Variants in GLYR1 observed in about 807,000 individuals in gnomAD.
GLYR1 encodes cytokine-like nuclear factor N-PAC.
A neutral mutation model predicts 72.7 loss-of-function variants in GLYR1; 21 were observed. The ratio of observed to expected loss-of-function variants is 0.29; its 90% confidence interval spans 0.20 to 0.42. The LOEUF is 0.42. Ranked by LOEUF, GLYR1 falls within the 10% of genes least tolerant of loss-of-function variation. GLYR1 has a pLI of 1.00. For missense variants in GLYR1, 594 were observed against 712.1 expected (o/e 0.83, Z 1.89); for synonymous variants, 392 against 270.2 (o/e 1.45, Z -4.42).
chr16:4,819,937 C>G (rs183674841), intron 9 of GLYR1, among the ~76,000 whole-genome samples: 11 of 152,274 alleles, frequency 7.2e-5, no homozygotes, highest in Admixed American at 2.0e-4. Flanking sequence ...GATTCTAAAT[C>G]ATGACAGGCG....
rs1362197180 is a variant in GLYR1, at chr16:4,846,312, C to A, written c.39-102G>T. On this transcript the variant is annotated intron_variant, in intron 1 of 15. Transcript: ENST00000321919. ...TATTTTCCTAAATCTCTGCTGGCATCCTCAAATGCCGAAACAAAAGCTTTC... is the reference window on the plus strand; with the variant it reads ...TATTTTCCTAAATCTCTGCTGGCATACTCAAATGCCGAAACAAAAGCTTTC... The A allele has an allele frequency of 1.7e-5, 22 of 1,293,080 alleles. No homozygotes were observed. The East Asian group carries it at 5.1e-4, about 30-fold the overall frequency. 80.1% of individuals were successfully genotyped at this position (1,293,080 alleles called of 1,614,324 possible). A position where few individuals can be genotyped will look rare whatever the true frequency, so the allele number is the denominator to read the frequency against.
chr16:4,833,266 G>C (rs775089656), intron 3 of GLYR1: 1 of 169,802 alleles, frequency 5.9e-6, no homozygotes, highest in African/African-American at 2.4e-5. Context: ...GAAATCTGGA[G>C]ACCCTTTCCC....
chr16:4,824,876 C>T (rs149773206), intron 5 of GLYR1, among the ~76,000 whole-genome samples: 1 of 152,180 alleles, frequency 6.6e-6, no homozygotes, highest in Non-Finnish European at 1.5e-5. Flanking sequence ...CACCCCCTGC[C>T]TAAACTACTC....
At chr16:4,831,083 T>C (rs2084767970) in intron 5 of GLYR1, among the ~76,000 whole-genome samples, 1 of 152,164 alleles carries the variant, frequency 6.6e-6, no homozygotes, top group Non-Finnish European at 1.5e-5. Context: ...TCCTCTACTT[T>C]TAAGAAAGTG....
chr16:4,829,004 A>G (rs1048154163), intron 5 of GLYR1, among the ~76,000 whole-genome samples: 2 of 152,140 alleles, frequency 1.3e-5, no homozygotes, highest in African/African-American at 4.8e-5. Flanking sequence ...GATTCCAGGA[A>G]ATAAACTCAG....
At position 4,806,370 on chromosome 16, in the gene GLYR1, T is replaced by C. The variant is rs180734382; in HGVS notation, c.1588-1060A>G. On this transcript the variant is annotated intron_variant, in intron 15 of 15. Coordinates refer to ENST00000321919, the MANE Select transcript of GLYR1 (RefSeq NM_032569.4). ...ACAAGATTAACTGTCTTTTTTTTTTTTCTTGAGACAGGGTCTTGCTCTGTT... is the reference window on the plus strand; with the variant it reads ...ACAAGATTAACTGTCTTTTTTTTTTCTCTTGAGACAGGGTCTTGCTCTGTT... Among the ~76,000 whole-genome samples the C allele has an allele frequency of 1.3e-3, 192 of 152,270 alleles. 2 individuals carry two copies. Among genetic ancestry groups the C allele is most frequent in the African/African-American group, 4.5e-3 (185 of 41,556 alleles).
intron 1 of GLYR1, 94 bp from the exon 2 acceptor site, chr16:4,846,304 G>T: frequency 1.4e-6 from 2 of 1,379,830 alleles, no homozygotes; most frequent in Non-Finnish European, 1.0e-6. Context: ...CTAAATCTCT[G>T]CTGGCATCCT....
At chr16:4,837,262 T>C (rs1015915026) in intron 3 of GLYR1, among the ~76,000 whole-genome samples, 2 of 151,794 alleles carry the variant, frequency 1.3e-5, no homozygotes, top group East Asian at 3.9e-4. Context: ...CGAAACCCCA[T>C]CTCTACCAGA....
intron 5 of GLYR1, among the ~76,000 whole-genome samples, chr16:4,825,728 T>A (rs1472864580): frequency 6.6e-6 from 1 of 152,118 alleles, no homozygotes; most frequent in African/African-American, 2.4e-5. Flanking sequence ...CTTGGCTCAC[T>A]GCAACCTCTG....
chr16:4,822,556 A>G (rs1238646247), intron 7 of GLYR1, among the ~76,000 whole-genome samples: 1 of 152,038 alleles, frequency 6.6e-6, no homozygotes, highest in African/African-American at 2.4e-5. Context: ...ATGCCCAGCT[A>G]ATTTTTCTAT....
intron 5 of GLYR1, among the ~76,000 whole-genome samples, chr16:4,828,104 C>A (rs1247286164): frequency 6.6e-6 from 1 of 151,620 alleles, no homozygotes; most frequent in African/African-American, 2.4e-5. Context: ...GAGTCTCGCT[C>A]TGTCACCCAG....
chr16:4,829,543 G>C (rs1284512764), intron 5 of GLYR1, among the ~76,000 whole-genome samples: 1 of 151,934 alleles, frequency 6.6e-6, no homozygotes, highest in Admixed American at 6.6e-5. Context: ...CTAAAGTGCA[G>C]TGGCATAATC....
At chr16:4,824,984 A>T (rs575236411) in intron 5 of GLYR1, among the ~76,000 whole-genome samples, 9 of 152,152 alleles carry the variant, frequency 5.9e-5, no homozygotes, top group Admixed American at 3.9e-4. Flanking sequence ...TCCACTGACA[A>T]TGAATGGGGC....
At chr16:4,826,602 A>C (rs996804067) in intron 5 of GLYR1, among the ~76,000 whole-genome samples, 2 of 152,182 alleles carry the variant, frequency 1.3e-5, no homozygotes, top group African/African-American at 4.8e-5. Context: ...CTCAATAAAC[A>C]TTTGTTGAAT....
At chr16:4,823,795 G>A in intron 6 of GLYR1, 26 bp downstream of exon 6, 1 of 1,526,910 alleles carries the variant, frequency 6.5e-7, no homozygotes, top group East Asian at 2.3e-5. Context: ...GCCACAGCTT[G>A]TCCTGCCTGC....
At chr16:4,805,625 G>C (rs1450339369) in intron 15 of GLYR1, among the ~76,000 whole-genome samples, 2 of 152,228 alleles carry the variant, frequency 1.3e-5, no homozygotes, top group East Asian at 1.9e-4. Context: ...TGGATCACCT[G>C]AAGTCAGGAG....
chr16:4,808,599 TA>T (rs1789750737), intron 15 of GLYR1, among the ~76,000 whole-genome samples: 1 of 143,644 alleles, frequency 7.0e-6, no homozygotes, highest in Non-Finnish European at 1.5e-5. Flanking sequence ...ACTCGGTCTC[TA>T]AAATAAAATA....
Position 4,804,696 on chromosome 16 carries a change from C to A in GLYR1, c.*540G>T, listed in dbSNP as rs1395188393. On this transcript the variant is annotated 3_prime_UTR_variant, in exon 16 of 16. Coordinates refer to ENST00000321919, the MANE Select transcript of GLYR1 (RefSeq NM_032569.4). ...CCTGAGGTTGGAGGGCCCCAAGGGC[C>A]CCTCTGTCTGGAGTCTGTACTGGCT... The A allele has an allele frequency of 1.3e-5, 2 of 159,428 alleles. No individual in the cohort carries two copies. Among genetic ancestry groups the A allele is most frequent in the Non-Finnish European group, 2.8e-5 (2 of 71,866 alleles). The allele number at this position is 159,428 out of a possible 1,614,324, so 9.9% of individuals were successfully genotyped here. A position where few individuals can be genotyped will look rare whatever the true frequency, so the allele number is the denominator to read the frequency against.
chr16:4,837,431 TAA>T (rs879788109), intron 3 of GLYR1, among the ~76,000 whole-genome samples: 2 of 139,728 alleles, frequency 1.4e-5, no homozygotes, highest in Non-Finnish European at 1.6e-5. Context: ...ACTTGGTCTT[TAA>T]AAAAAAAAAA....
Sources: allele counts gnomAD v4.1 joint callset (sites outside exome capture counted in the v4.1 genomes callset), GRCh38; gene constraint gnomAD v4.1.1; transcripts MANE v1.5; gene names NCBI Gene and HGNC (gene_info 2026-07-23, HGNC 2026-07-21).